The following SLC24A4 variants were observed in gnomAD, a reference collection of about 807,000 sequenced individuals.
SLC24A4 encodes the protein sodium/potassium/calcium exchanger 4.
Under a neutral mutation model 79.0 loss-of-function variants are expected in SLC24A4, and 53 were observed. The ratio of observed to expected loss-of-function variants is 0.67; its 90% CI spans 0.54 to 0.84. The LOEUF (loss-of-function observed/expected upper bound fraction) is 0.84, where lower values mean the gene tolerates loss of function less well. SLC24A4 is among the 40% of genes least tolerant of loss of function. The probability of loss-of-function intolerance (pLI) is 0.00; values close to 1 mark genes in which losing one functional copy is unlikely to be tolerated. For synonymous variants in SLC24A4, 323 were observed against 323.8 expected (o/e 1.00, Z 0.03); for missense variants, 731 against 822.0 (o/e 0.89, Z 1.35).
Position 92,463,401 on chromosome 14 carries a change from A to G in SLC24A4, c.1255+6793A>G, listed in dbSNP as rs185518787. ...ATGGGGATGCTGTGGGCTCATTTACATGTGCAGTTCCATACACAGTTCTCG... is the reference window on the plus strand; with the variant it reads ...ATGGGGATGCTGTGGGCTCATTTACGTGTGCAGTTCCATACACAGTTCTCG... On this transcript the variant is annotated intron_variant, in intron 12 of 16. Transcript: ENST00000532405. 7.3e-3 allele frequency among the ~76,000 whole-genome samples: 1,118 copies of G among 152,250 alleles called. 5 individuals carry two copies. Among genetic ancestry groups the G allele is most frequent in the South Asian group, 0.014 (67 of 4,828 alleles).
intron 2 of SLC24A4, among the ~76,000 whole-genome samples, chr14:92,416,905 A>G (rs956217408): frequency 1.3e-5 from 2 of 152,208 alleles, no homozygotes; most frequent in Non-Finnish European, 2.9e-5. Flanking sequence ...CCAAGTTACA[A>G]CTGTCAGTCA....
chr14:92,490,710 C>G lies in SLC24A4; in HGVS notation c.1538-955C>G, dbSNP rs1895632758. Among the ~76,000 whole-genome samples the G allele has an allele frequency of 2.0e-5, 3 of 152,228 alleles. No homozygotes were observed. The South Asian group carries it at 6.2e-4, about 32-fold the overall frequency. ...CACTCCGGCCTCCAGCCCAGGGTAG[C>G]TGGGAACATGAAGTGAGGCGCAGTG... On this transcript the variant is annotated intron_variant, in intron 14 of 16. Transcript: ENST00000532405. The surrounding 1 kb of genome is among the most constrained non-coding windows in gnomAD (Gnocchi z 4.3).
chr14:92,439,736 G>A (rs1029595150), intron 4 of SLC24A4, among the ~76,000 whole-genome samples: 1 of 152,244 alleles, frequency 6.6e-6, no homozygotes, highest in Non-Finnish European at 1.5e-5. Context: ...CAGCTGCAGT[G>A]GAGCATTGCC....
At chr14:92,332,199 T>A (rs1258862412) in intron 2 of SLC24A4, among the ~76,000 whole-genome samples, 1 of 152,132 alleles carries the variant, frequency 6.6e-6, no homozygotes, top group African/African-American at 2.4e-5. Flanking sequence ...GGTGAATTAC[T>A]TGAACCCAGG....
intron 9 of SLC24A4, 121 bp downstream of exon 9, chr14:92,447,545 C>G: frequency 1.1e-6 from 1 of 949,342 alleles, no homozygotes; most frequent in Non-Finnish European, 1.6e-6. Flanking sequence ...CCAGCCCCAG[C>G]TCTCTGGTAG....
chr14:92,456,382 A>G (rs2139848790), intron 11 of SLC24A4, 22 bp from the exon 12 acceptor site: 1 of 1,613,706 alleles, frequency 6.2e-7, no homozygotes, highest in South Asian at 1.1e-5. Flanking sequence ...CTTGGTGTCC[A>G]TGTTGCCTCC....
intron 2 of SLC24A4, among the ~76,000 whole-genome samples, chr14:92,382,842 C>T (rs1350111608): frequency 6.6e-6 from 1 of 152,214 alleles, no homozygotes; most frequent in Non-Finnish European, 1.5e-5. Flanking sequence ...GCCCTGGGCA[C>T]CCTGCCCTCC....
chr14:92,484,436 CT>C (rs1490199497), intron 13 of SLC24A4: 2 of 985,218 alleles, frequency 2.0e-6, no homozygotes, highest in Non-Finnish European at 2.4e-6. Context: ...CTTCTGGTAC[CT>C]GCTTAGAGCT....
chr14:92,395,541 C>T (rs570971273), intron 2 of SLC24A4, among the ~76,000 whole-genome samples: 346 of 152,140 alleles, frequency 2.3e-3, no homozygotes, highest in Middle Eastern at 3.4e-3. Context: ...ACTTCATTTG[C>T]AAAAACAATC....
rs916947266 is a variant in SLC24A4 at position 92,496,672 on chromosome 14, G to A, written c.*3044G>A. On this transcript the variant is annotated 3_prime_UTR_variant, in exon 17 of 17. Coordinates refer to ENST00000532405, the MANE Select transcript of SLC24A4 (RefSeq NM_153646.4). ...TGCAATGAGAGACTGGTGATTAAGG[G>A]CACCGTGGGCAGGACACAGTCCTCG... 1.3e-5 allele frequency: 2 copies of A among 152,158 alleles called. No individual in the cohort carries two copies. The highest frequency in any genetic ancestry group is 4.8e-5 in the African/African-American group (2 of 41,406). The allele number at this position is 152,158 out of a possible 1,614,324, so 9.4% of individuals were successfully genotyped here.
chr14:92,394,680 A>G (rs1401884180), intron 2 of SLC24A4, among the ~76,000 whole-genome samples: 1 of 152,236 alleles, frequency 6.6e-6, no homozygotes, highest in East Asian at 1.9e-4. Flanking sequence ...ATTTTGTCCA[A>G]AACAACCAAA....
chr14:92,396,017 G>C (rs988598047), intron 2 of SLC24A4, among the ~76,000 whole-genome samples: 12 of 152,254 alleles, frequency 7.9e-5, no homozygotes, highest in Admixed American at 2.0e-4. Flanking sequence ...GTAGAAACAG[G>C]GTTTCACCCT....
chr14:92,339,998 A>G (rs1249917725), intron 2 of SLC24A4, among the ~76,000 whole-genome samples: 2 of 152,198 alleles, frequency 1.3e-5, no homozygotes, highest in East Asian at 3.8e-4. Context: ...TAGAGGTGCA[A>G]GATGGCAGGT....
intron 12 of SLC24A4, among the ~76,000 whole-genome samples, chr14:92,474,843 G>GTGTGTGTATATATATATA (rs779007741): frequency 8.4e-5 from 2 of 23,884 alleles, no homozygotes; most frequent in Non-Finnish European, 1.2e-4. Flanking sequence ...GTGTGTGTGT[G>GTGTGTGTATATATATATA]TATATATATA....
intron 12 of SLC24A4, among the ~76,000 whole-genome samples, chr14:92,457,757 T>C (rs1328701889): frequency 1.3e-5 from 2 of 151,790 alleles, no homozygotes; most frequent in African/African-American, 2.4e-5. Context: ...ATGTCCACCA[T>C]CCTGAAAGGA....
intron 13 of SLC24A4, among the ~76,000 whole-genome samples, chr14:92,485,923 A>G (rs1186058688): frequency 6.6e-6 from 1 of 152,238 alleles, no homozygotes; most frequent in Non-Finnish European, 1.5e-5. Context: ...TGAACTTCAA[A>G]TAGCCTCATT....
intron 2 of SLC24A4, among the ~76,000 whole-genome samples, chr14:92,424,294 C>A (rs1322799408): frequency 6.6e-6 from 1 of 152,112 alleles, no homozygotes; most frequent in Non-Finnish European, 1.5e-5. Flanking sequence ...TAAATAAGGT[C>A]ATAAAAGTAG....
chr14:92,368,150 G>A (rs74072678), intron 2 of SLC24A4, among the ~76,000 whole-genome samples: 2,540 of 152,204 alleles, frequency 0.017, 75 homozygotes, highest in African/African-American at 0.059. Flanking sequence ...CACATCCTAG[G>A]GCAATGAAAC....
At chr14:92,473,437 G>A (rs1353017026) in intron 12 of SLC24A4, among the ~76,000 whole-genome samples, 1 of 152,188 alleles carries the variant, frequency 6.6e-6, no homozygotes, top group Non-Finnish European at 1.5e-5. Context: ...TGCATGATGA[G>A]CTCAGAATTA....
Sources: gnomAD v4.1 joint callset for allele counts (sites outside exome capture counted in the v4.1 genomes callset) on GRCh38, gnomAD v4.1.1 for gene constraint, Gnocchi (gnomAD v3.1) non-coding constraint, MANE v1.5 for transcripts, NCBI Gene and HGNC (gene_info 2026-07-23, HGNC 2026-07-21) for gene names.